CAP2: variants seen among roughly 807,000 people sequenced by gnomAD.
The protein encoded by CAP2 is cyclase associated actin cytoskeleton regulatory protein 2.
CAP2 carries 24 observed loss-of-function variants against 57.7 expected under a neutral mutation model. The observed-to-expected ratio is 0.42, with a 90% confidence interval of 0.30 to 0.58. CAP2 has a LOEUF of 0.58. Among genes scored for constraint, CAP2 ranks in the 20% least tolerant of loss-of-function variants. The probability of loss-of-function intolerance (pLI) is 0.22; values close to 1 mark genes in which losing one functional copy is unlikely to be tolerated. For synonymous variants in CAP2, 194 were observed against 207.2 expected (o/e 0.94, Z 0.55); for missense variants, 501 against 590.3 (o/e 0.85, Z 1.57).
intron 3 of CAP2, among the ~76,000 whole-genome samples, chr6:17,434,521 A>C (rs1247586426): frequency 6.6e-6 from 1 of 152,084 alleles, no homozygotes; most frequent in Non-Finnish European, 1.5e-5. Flanking sequence ...GAGCCACTGC[A>C]CCTGGCCTGA....
chr6:17,410,151 T>C (rs1409726975), intron 1 of CAP2, among the ~76,000 whole-genome samples: 1 of 152,250 alleles, frequency 6.6e-6, no homozygotes, highest in Non-Finnish European at 1.5e-5. Context: ...ATCATAACTT[T>C]GGTAGCCTCT....
chr6:17,554,771 A>G (rs1416482078), intron 12 of CAP2, among the ~76,000 whole-genome samples: 1 of 152,238 alleles, frequency 6.6e-6, no homozygotes, highest in Non-Finnish European at 1.5e-5. Context: ...TCCTTGCCTT[A>G]GAGAGGTTTT....
At chr6:17,450,078 G>T (rs572590144) in intron 3 of CAP2, among the ~76,000 whole-genome samples, 33 of 150,102 alleles carry the variant, frequency 2.2e-4, no homozygotes, top group Non-Finnish European at 4.4e-4. Flanking sequence ...TTAAGACTGG[G>T]TCTTGCTCTG....
At chr6:17,538,687 G>C (rs1762829773) in intron 7 of CAP2, among the ~76,000 whole-genome samples, 1 of 152,144 alleles carries the variant, frequency 6.6e-6, no homozygotes, top group African/African-American at 2.4e-5. Context: ...ATTACCTTCG[G>C]GTTTGACAAG....
intron 3 of CAP2, among the ~76,000 whole-genome samples, chr6:17,428,089 A>C (rs906601394): frequency 6.6e-6 from 1 of 152,216 alleles, no homozygotes; most frequent in African/African-American, 2.4e-5. Context: ...ACTTAACACT[A>C]TTAAGCTGTA....
chr6:17,441,945 A>C (rs988030262), intron 3 of CAP2, among the ~76,000 whole-genome samples: 1 of 152,160 alleles, frequency 6.6e-6, no homozygotes, highest in Non-Finnish European at 1.5e-5. Context: ...TAAAAAAAAA[A>C]CAGCAACAAT....
chr6:17,512,861 G>GTC (rs1762190611), intron 6 of CAP2, among the ~76,000 whole-genome samples: 1 of 152,156 alleles, frequency 6.6e-6, no homozygotes, highest in African/African-American at 2.4e-5. Context: ...CATGCTGGTG[G>GTC]TACTTTAGGG....
intron 3 of CAP2, among the ~76,000 whole-genome samples, chr6:17,457,587 ACAGT>A (rs1479060764): frequency 1.3e-5 from 2 of 152,254 alleles, no homozygotes; most frequent in African/African-American, 4.8e-5. Flanking sequence ...AAAGAAGTAC[ACAGT>A]CAAATTCTCA....
intron 4 of CAP2, among the ~76,000 whole-genome samples, chr6:17,485,944 C>A (rs1199062573): frequency 1.3e-5 from 2 of 152,220 alleles, no homozygotes; most frequent in Non-Finnish European, 2.9e-5. Flanking sequence ...CACTATAACT[C>A]TCAAAGGGTG....
intron 1 of CAP2, among the ~76,000 whole-genome samples, chr6:17,404,796 G>C (rs932966938): frequency 6.7e-6 from 1 of 150,314 alleles, no homozygotes; most frequent in Non-Finnish European, 1.5e-5. Context: ...AAAATTAAAA[G>C]TCTAAGTACT....
chr6:17,498,037 T>C (rs1056104460), intron 4 of CAP2, among the ~76,000 whole-genome samples: 1 of 152,208 alleles, frequency 6.6e-6, no homozygotes, highest in Non-Finnish European at 1.5e-5. Context: ...ACATAACCTA[T>C]CCTTCGGAAA....
intron 4 of CAP2, among the ~76,000 whole-genome samples, chr6:17,490,957 A>G (rs559600643): frequency 9.1e-4 from 139 of 152,284 alleles, no homozygotes; most frequent in South Asian, 3.1e-3. Flanking sequence ...CCGTGCAAGT[A>G]AACTCTTCAG....
intron 2 of CAP2, among the ~76,000 whole-genome samples, chr6:17,425,587 C>A (rs12111220): frequency 0.15 from 22,170 of 152,082 alleles, 4,805 homozygotes; most frequent in African/African-American, 0.47. Flanking sequence ...CTTTGGATGA[C>A]TCGGCTGGGT....
chr6:17,543,349 G>A (rs1762953899), intron 11 of CAP2, among the ~76,000 whole-genome samples: 6 of 152,146 alleles, frequency 3.9e-5, no homozygotes. Flanking sequence ...CAGTCGCGGT[G>A]GCTCACGCCC....
chr6:17,532,876 C>A (rs1762680448), intron 7 of CAP2, among the ~76,000 whole-genome samples: 1 of 151,242 alleles, frequency 6.6e-6, no homozygotes, highest in Admixed American at 6.6e-5. Context: ...CTAGCCTGAC[C>A]AACATGGAGA....
At position 17,525,136 on chromosome 6, in the gene CAP2, C is replaced by A. The variant is rs1413412924; in HGVS notation, c.636+11182C>A. On this transcript the variant is annotated intron_variant, in intron 7 of 12. Coordinates refer to ENST00000229922, the MANE Select transcript of CAP2 (RefSeq NM_006366.3). ...CAGGCTGGTCTCGAAATCCTAACCT[C>A]AGGTGATCCTCCCGCCTTGGCCTCC... is the stretch of plus-strand genomic sequence containing the variant. Among the ~76,000 whole-genome samples the A allele has an allele frequency of 3.9e-5, 6 of 152,090 alleles. No individual in the cohort carries two copies. In the East Asian group the frequency reaches 1.2e-3, roughly 29 times the overall value.
intron 3 of CAP2, among the ~76,000 whole-genome samples, chr6:17,429,380 G>GTAACATCATAACAC (rs1305023144): frequency 1.9e-3 from 289 of 152,232 alleles, no homozygotes; most frequent in African/African-American, 6.2e-3. Context: ...AACTCATTAG[G>GTAACATCATAACAC]AGTATCTCAA....
At chr6:17,521,834 C>T (rs766369471) in intron 7 of CAP2, among the ~76,000 whole-genome samples, 10 of 152,120 alleles carry the variant, frequency 6.6e-5, no homozygotes, top group South Asian at 2.1e-4. Context: ...CTTGATTGGG[C>T]GCGGTACCTC....
intron 1 of CAP2, among the ~76,000 whole-genome samples, chr6:17,407,479 GA>G (rs71536728): frequency 2.2e-3 from 288 of 131,254 alleles, no homozygotes; most frequent in Middle Eastern, 0.013. Context: ...AACCTGTCTT[GA>G]AAAAAAAAAA....
Sources: allele counts gnomAD v4.1 joint callset (sites outside exome capture counted in the v4.1 genomes callset), GRCh38; gene constraint gnomAD v4.1.1; transcripts MANE v1.5; gene names NCBI Gene and HGNC (gene_info 2026-07-23, HGNC 2026-07-21).